The following SIL1 variants were observed in gnomAD, a reference collection of about 807,000 sequenced individuals.
SIL1 encodes the protein SIL1 nucleotide exchange factor.
Under a neutral mutation model 49.1 loss-of-function variants are expected in SIL1, and 40 were observed. The observed-to-expected ratio is 0.81, with a 90% CI of 0.63 to 1.06. The LOEUF (loss-of-function observed/expected upper bound fraction) is 1.06, where lower values mean the gene tolerates loss of function less well. Among genes scored for constraint, SIL1 ranks in the 50% least tolerant of loss-of-function variants. The probability of loss-of-function intolerance (pLI) is 0.00; values close to 1 mark genes in which losing one functional copy is unlikely to be tolerated. For synonymous variants in SIL1, 253 were observed against 250.8 expected (o/e 1.01, Z -0.08); for missense variants, 500 against 572.6 (o/e 0.87, Z 1.29).
intron 7 of SIL1, among the ~76,000 whole-genome samples, chr5:138,958,738 AAG>A (rs1766953563): frequency 6.6e-6 from 1 of 152,130 alleles, no homozygotes; most frequent in African/African-American, 2.4e-5. Context: ...AAAAAAAAAA[AAG>A]AAAATCCAAA....
chr5:139,143,085 C>T lies in SIL1; in HGVS notation c.-10-15232G>A, dbSNP rs573506715. Among the ~76,000 whole-genome samples the T allele has an allele frequency of 7.5e-4, 114 of 151,746 alleles. 3 individuals carry two copies. The South Asian group carries it at 0.022, about 29-fold the overall frequency. On this transcript the variant is annotated intron_variant, in intron 1 of 9. Transcript: ENST00000394817. ...GCCCGGCCACCCACTTTCACCACTTCTATTCAACATAATACTATAAGTTCT... is the reference window on the plus strand; with the variant it reads ...GCCCGGCCACCCACTTTCACCACTTTTATTCAACATAATACTATAAGTTCT...
intron 1 of SIL1, among the ~76,000 whole-genome samples, chr5:139,187,230 G>A (rs1752091206): frequency 6.6e-6 from 1 of 152,190 alleles, no homozygotes; most frequent in South Asian, 2.1e-4. Context: ...GCATAAAGTA[G>A]GGAACCGGCT....
chr5:139,014,803 G>C (rs980702124), intron 7 of SIL1, among the ~76,000 whole-genome samples: 4 of 152,144 alleles, frequency 2.6e-5, no homozygotes, highest in African/African-American at 9.7e-5. Context: ...CAAAAGGCTT[G>C]AGCACCTCTC....
At chr5:139,054,858 C>T (rs1022254281) in intron 3 of SIL1, among the ~76,000 whole-genome samples, 1 of 152,166 alleles carries the variant, frequency 6.6e-6, no homozygotes, top group African/African-American at 2.4e-5. Flanking sequence ...ATATACTAAA[C>T]ACGTCATGGC....
chr5:139,008,636 C>T (rs1297741469), intron 7 of SIL1, among the ~76,000 whole-genome samples: 2,077 of 146,892 alleles, frequency 0.014, 48 homozygotes, highest in African/African-American at 0.048. Flanking sequence ...GCTTTGAATG[C>T]GTCCCAGAGA....
rs1415872900 is a variant in SIL1, at chr5:138,999,038, G to A, written c.767+22133C>T. Among the ~76,000 whole-genome samples the A allele has an allele frequency of 2.0e-5, 3 of 151,834 alleles. No individual in the cohort carries two copies. The South Asian group carries it at 6.2e-4, about 32-fold the overall frequency. ...CGCCCAGCTAATTTTTGTATTTTTA[G>A]TGGAAATGGGGTTTCACTATGTTGG... On this transcript the variant is annotated intron_variant, in intron 7 of 9. Transcript: ENST00000394817.
At chr5:139,084,667 G>A (rs368724531) in intron 3 of SIL1, among the ~76,000 whole-genome samples, 4,888 of 131,478 alleles carry the variant, frequency 0.037, 126 homozygotes, top group African/African-American at 0.077. Context: ...ATAGCATTGG[G>A]AGATATACCT....
chr5:139,039,586 C>T (rs922691749), intron 5 of SIL1, among the ~76,000 whole-genome samples: 3 of 152,182 alleles, frequency 2.0e-5, no homozygotes, highest in Non-Finnish European at 4.4e-5. Flanking sequence ...AAGGAACTCA[C>T]TGATGTCATT....
chr5:139,009,935 T>C (rs528894065), intron 7 of SIL1, among the ~76,000 whole-genome samples: 11 of 151,942 alleles, frequency 7.2e-5, no homozygotes, highest in African/African-American at 1.4e-4. Flanking sequence ...CTGACAATTA[T>C]GTGTCTTGGA....
At chr5:138,952,949 G>C (rs1415955148) in intron 7 of SIL1, among the ~76,000 whole-genome samples, 1 of 152,222 alleles carries the variant, frequency 6.6e-6, no homozygotes, top group Non-Finnish European at 1.5e-5. Context: ...TCAGGCCCTT[G>C]GGCAGGTCAG....
At chr5:139,166,067 G>C (rs1751611698) in intron 1 of SIL1, among the ~76,000 whole-genome samples, 1 of 152,162 alleles carries the variant, frequency 6.6e-6, no homozygotes, top group South Asian at 2.1e-4. Flanking sequence ...GACCTCCTGA[G>C]GGCTATGTCA....
At chr5:139,088,806 T>TA (rs1260945444) in intron 3 of SIL1, among the ~76,000 whole-genome samples, 4 of 152,206 alleles carry the variant, frequency 2.6e-5, no homozygotes, top group Admixed American at 2.0e-4. Flanking sequence ...CATTTTAGCC[T>TA]AATTCAGGAT....
At chr5:139,111,595 T>C (rs1770839394) in intron 3 of SIL1, among the ~76,000 whole-genome samples, 1 of 152,172 alleles carries the variant, frequency 6.6e-6, no homozygotes, top group South Asian at 2.1e-4. Flanking sequence ...CCCACCATGG[T>C]ATCCCTGGCA....
intron 1 of SIL1, among the ~76,000 whole-genome samples, chr5:139,153,227 CTT>C (rs1303197602): frequency 6.6e-6 from 1 of 152,198 alleles, no homozygotes; most frequent in Non-Finnish European, 1.5e-5. Context: ...TTCCCCTCCT[CTT>C]TATCTGACAA....
intron 1 of SIL1, among the ~76,000 whole-genome samples, chr5:139,152,829 A>G (rs1029967991): frequency 2.0e-5 from 3 of 151,822 alleles, no homozygotes; most frequent in Admixed American, 6.6e-5. Flanking sequence ...CTCCCTGCCT[A>G]TTGAGATGGA....
intron 3 of SIL1, among the ~76,000 whole-genome samples, chr5:139,102,814 A>G (rs1770622506): frequency 6.6e-6 from 1 of 151,460 alleles, no homozygotes; most frequent in South Asian, 2.1e-4. Context: ...TCCCAGGTTC[A>G]AGCAGTTCTC....
chr5:139,163,438 C>T (rs1237384216), intron 1 of SIL1, among the ~76,000 whole-genome samples: 8 of 151,878 alleles, frequency 5.3e-5, no homozygotes, highest in Non-Finnish European at 8.8e-5. Context: ...GGCACCATCT[C>T]GTCTCATTGC....
intron 5 of SIL1, chr5:139,035,405 C>A: frequency 1.9e-6 from 1 of 539,436 alleles, no homozygotes; most frequent in South Asian, 1.4e-5. Context: ...CTTTGACGAT[C>A]AGGGCAGAGG....
At chr5:139,005,350 G>A (rs1027025931) in intron 7 of SIL1, among the ~76,000 whole-genome samples, 2 of 151,010 alleles carry the variant, frequency 1.3e-5, no homozygotes, top group Non-Finnish European at 1.5e-5. Context: ...CCATACTTTT[G>A]ATAAAATCTT....
Sources: gnomAD v4.1 joint callset for allele counts (sites outside exome capture counted in the v4.1 genomes callset) on GRCh38, gnomAD v4.1.1 for gene constraint, MANE v1.5 for transcripts, NCBI Gene and HGNC (gene_info 2026-07-23, HGNC 2026-07-21) for gene names.